PTPN22: variants seen among roughly 807,000 people sequenced by gnomAD.
PTPN22 encodes tyrosine-protein phosphatase non-receptor type 22.
PTPN22 carries 85 observed loss-of-function variants against 103.3 expected under a neutral mutation model. The ratio of observed to expected loss-of-function variants is 0.82; its 90% confidence interval spans 0.69 to 0.99. PTPN22 has a LOEUF of 0.99. PTPN22 is among the 50% of genes least tolerant of loss of function. PTPN22 has a pLI of 0.00. For synonymous variants in PTPN22, 323 were observed against 310.2 expected, an observed-to-expected ratio of 1.04 and a Z score of -0.43; for missense variants, 865 against 936.9, an observed-to-expected ratio of 0.92 and a Z score of 1.00.
chr1:113,837,949 A>G, exon 13 of PTPN22: 2 of 1,614,128 alleles, frequency 1.2e-6, no homozygotes, highest in Non-Finnish European at 1.7e-6. Flanking sequence ...TTGAGCCTGC[A>G]TCTCTACAAA....
chr1:113,863,138 C>G (rs1187392631), intron 1 of PTPN22, among the ~76,000 whole-genome samples: 2 of 152,130 alleles, frequency 1.3e-5, no homozygotes, highest in Non-Finnish European at 2.9e-5. Context: ...TGTCACCCAG[C>G]AGAGAGTTCA....
At chr1:113,838,249 T>C in exon 13 of PTPN22, 1 of 1,614,120 alleles carries the variant, frequency 6.2e-7, no homozygotes, top group Non-Finnish European at 8.5e-7. Context: ...AAAACTGTAA[T>C]TTAGCTCCAG....
chr1:113,850,220 GGAAGGAA>G (rs1249550522), intron 10 of PTPN22, among the ~76,000 whole-genome samples: 2 of 124,238 alleles, frequency 1.6e-5, no homozygotes, highest in Admixed American at 8.0e-5. Flanking sequence ...AAGGAAGGAA[GGAAGGAA>G]GGAAGGAAGG....
chr1:113,817,609 A>T (rs1219466252), intron 20 of PTPN22, among the ~76,000 whole-genome samples: 1 of 146,314 alleles, frequency 6.8e-6, no homozygotes, highest in Non-Finnish European at 1.5e-5. Flanking sequence ...GGCTAGTTCT[A>T]AAAAAAAAAC....
Position 113,829,764 on chromosome 1 carries a change from T to C in PTPN22, c.2135-57A>G, listed in dbSNP as rs1662391601. Reference sequence around the variant, plus strand: ...CATTGCATACCTTCTTAAGCCTTCATGTTACATATAATAAATTGTTAGCTT... The same window carrying C: ...CATTGCATACCTTCTTAAGCCTTCACGTTACATATAATAAATTGTTAGCTT... On this transcript the variant is annotated intron_variant, in intron 17 of 20. Coordinates refer to ENST00000359785, the Ensembl canonical transcript of PTPN22. 8 of 1,301,418 alleles carry C rather than the reference T, an allele frequency of 6.1e-6. No homozygotes were observed. In the South Asian group the frequency reaches 1.0e-4, roughly 17 times the overall value. 80.6% of individuals were successfully genotyped at this position (1,301,418 alleles called of 1,614,324 possible). A position where few individuals can be genotyped will look rare whatever the true frequency, so the allele number is the denominator to read the frequency against.
At chr1:113,835,646 G>A (rs1218091010) in intron 13 of PTPN22, among the ~76,000 whole-genome samples, 3 of 152,034 alleles carry the variant, frequency 2.0e-5, no homozygotes, top group Non-Finnish European at 4.4e-5. Context: ...AACTCCTTTT[G>A]TTTTACATAG....
chr1:113,859,276 A>G (rs1371548692), intron 2 of PTPN22, 76 bp downstream of exon 2: 1 of 1,544,784 alleles, frequency 6.5e-7, no homozygotes, highest in Non-Finnish European at 8.9e-7. Flanking sequence ...CAGGATCAGT[A>G]AGCAATGGGT....
intron 1 of PTPN22, among the ~76,000 whole-genome samples, chr1:113,866,642 AGTGAAAATAT>A (rs1666146785): frequency 6.6e-6 from 1 of 152,228 alleles, no homozygotes; most frequent in South Asian, 2.1e-4. Context: ...TATAATGGTA[AGTGAAAATAT>A]GAGAACACAA....
chr1:113,852,198 T>C (rs1664627155), intron 9 of PTPN22, 94 bp from the exon 10 acceptor site: 4 of 869,350 alleles, frequency 4.6e-6, no homozygotes, highest in Middle Eastern at 3.0e-4. Flanking sequence ...GCATCTGCTC[T>C]TCTAACATGG....
At chr1:113,823,404 G>C (rs932738107) in intron 19 of PTPN22, 1 of 152,220 alleles carries the variant, frequency 6.6e-6, no homozygotes, top group Non-Finnish European at 1.5e-5. Context: ...CCATCTGGAA[G>C]GGGCTGAGGA....
exon 13 of PTPN22, chr1:113,837,833 G>C (rs1455179136): frequency 1.9e-5 from 30 of 1,613,744 alleles, no homozygotes; most frequent in South Asian, 2.2e-5. Flanking sequence ...TATACACCAA[G>C]AGCACTAGAG....
intron 19 of PTPN22, among the ~76,000 whole-genome samples, chr1:113,820,434 G>A (rs1661495618): frequency 6.6e-6 from 1 of 152,130 alleles, no homozygotes; most frequent in African/African-American, 2.4e-5. Flanking sequence ...ACTCCATCCA[G>A]ACTGGGTGAC....
intron 3 of PTPN22, 94 bp downstream of exon 3, chr1:113,858,908 G>T: frequency 6.7e-7 from 1 of 1,502,034 alleles, no homozygotes; most frequent in Non-Finnish European, 8.9e-7. Flanking sequence ...CAAAGTGCTG[G>T]GATTACAGGC....
intron 1 of PTPN22, 39 bp from the exon 2 acceptor site, chr1:113,859,499 A>T: frequency 6.7e-7 from 1 of 1,502,244 alleles, no homozygotes; most frequent in Non-Finnish European, 9.3e-7. Flanking sequence ...CTTCCTAGAG[A>T]AATGAGGTAA....
chr1:113,863,918 TATA>T (rs1250035055), intron 1 of PTPN22, among the ~76,000 whole-genome samples: 4 of 100,078 alleles, frequency 4.0e-5, no homozygotes, highest in African/African-American at 1.7e-4. Context: ...TATATATATA[TATA>T]TATATATTTT....
rs1571389232 is a variant in PTPN22 at position 113,839,732 on chromosome 1, G to A, written c.916-1112C>T. On this transcript the variant is annotated intron_variant, in intron 11 of 20. Coordinates refer to ENST00000359785, the Ensembl canonical transcript of PTPN22. ...AGGAAATGTTCTCAACATGATAGAG[G>A]CCATATATGAAAACCCATAACTAAC... Among the ~76,000 whole-genome samples the A allele has an allele frequency of 3.9e-5, 6 of 152,070 alleles. No individual in the cohort carries two copies. In the South Asian group the frequency reaches 1.2e-3, roughly 32 times the overall value.
At chr1:113,867,637 T>G (rs769478081) in intron 1 of PTPN22, among the ~76,000 whole-genome samples, 1 of 152,222 alleles carries the variant, frequency 6.6e-6, no homozygotes, top group Non-Finnish European at 1.5e-5. Flanking sequence ...GCATGGAGCA[T>G]TGCATTGCAT....
intron 11 of PTPN22, among the ~76,000 whole-genome samples, chr1:113,840,037 G>A (rs1663403151): frequency 6.6e-6 from 1 of 151,820 alleles, no homozygotes; most frequent in Admixed American, 6.6e-5. Flanking sequence ...CATGGTGAAA[G>A]CCCGTCTCTA....
exon 11 of PTPN22, chr1:113,848,558 A>G: frequency 1.2e-6 from 2 of 1,613,552 alleles, no homozygotes; most frequent in Admixed American, 3.3e-5. Flanking sequence ...CAGAATGTTT[A>G]TCTCTGATAA....
Sources: allele counts gnomAD v4.1 joint callset (sites outside exome capture counted in the v4.1 genomes callset), GRCh38; gene constraint gnomAD v4.1.1; transcripts MANE v1.5; gene names NCBI Gene and HGNC (gene_info 2026-07-23, HGNC 2026-07-21).